Variants in STAU2 observed in about 807,000 individuals in gnomAD.
The protein encoded by STAU2 is staufen double-stranded RNA binding protein 2, also known as double-stranded RNA-binding protein Staufen homolog 2.
STAU2 carries 20 observed loss-of-function variants against 65.9 expected under a neutral mutation model. The ratio of observed to expected loss-of-function variants is 0.30; its 90% confidence interval spans 0.21 to 0.44. The LOEUF is 0.44. Among genes scored for constraint, STAU2 ranks in the 20% least tolerant of loss-of-function variants. STAU2 has a pLI of 1.00. For synonymous variants in STAU2, 232 were observed against 233.9 expected, an observed-to-expected ratio of 0.99 and a Z score of 0.07; for missense variants, 558 against 683.9, an observed-to-expected ratio of 0.82 and a Z score of 2.05.
intron 13 of STAU2, among the ~76,000 whole-genome samples, chr8:73,538,937 G>T (rs1806352166): frequency 6.6e-6 from 1 of 152,046 alleles, no homozygotes. Context: ...TCACTTCAAT[G>T]AAAAAAGTTT....
At position 73,543,152 on chromosome 8, in the gene STAU2, A is replaced by C. The variant is rs1175858897; in HGVS notation, c.1530+8860T>G. 2.0e-5 allele frequency among the ~76,000 whole-genome samples: 3 copies of C among 152,342 alleles called. No homozygotes were observed. The East Asian group carries it at 5.8e-4, about 29-fold the overall frequency. On this transcript the variant is annotated intron_variant, in intron 13 of 14. Coordinates refer to ENST00000524300, the MANE Select transcript of STAU2 (RefSeq NM_001164380.2). ...GTGAATTTCAAAATATACTGAGTGA[A>C]AGATGCCAGATACAAAACTGTGAAT...
At position 73,688,537 on chromosome 8, in the gene STAU2, T is replaced by C. The variant is rs1049333763; in HGVS notation, c.274+117A>G. On this transcript the variant is annotated intron_variant, in intron 5 of 14. Transcript: ENST00000524300. ...GTGTGTGTGTGTGTGTGTGTAGGTATGGGCATATGTGTACTATTAATACTT... is the reference window on the plus strand; with the variant it reads ...GTGTGTGTGTGTGTGTGTGTAGGTACGGGCATATGTGTACTATTAATACTT... The C allele has an allele frequency of 5.7e-6, 5 of 871,746 alleles. No homozygotes were observed. The African/African-American group carries it at 8.4e-5, about 15-fold the overall frequency. The allele number at this position is 871,746 out of a possible 1,614,324, so 54.0% of individuals were successfully genotyped here. A position where few individuals can be genotyped will look rare whatever the true frequency, so the allele number is the denominator to read the frequency against.
At chr8:73,506,738 A>G (rs1379722877) in intron 13 of STAU2, among the ~76,000 whole-genome samples, 2 of 152,160 alleles carry the variant, frequency 1.3e-5, no homozygotes, top group Non-Finnish European at 2.9e-5. Context: ...TCTCTGTAGT[A>G]TGCAATGCTG....
chr8:73,711,662 C>T (rs1211872446), intron 3 of STAU2, among the ~76,000 whole-genome samples: 2 of 151,894 alleles, frequency 1.3e-5, no homozygotes, highest in Non-Finnish European at 2.9e-5. Context: ...ATAATGAACC[C>T]GTTTGGTATG....
At chr8:73,470,354 T>C (rs1819920942) in intron 13 of STAU2, among the ~76,000 whole-genome samples, 1 of 152,080 alleles carries the variant, frequency 6.6e-6, no homozygotes, top group Non-Finnish European at 1.5e-5. Flanking sequence ...AGAAGAGAAT[T>C]AGGAAAAGCT....
chr8:73,631,269 G>T (rs1233370879), intron 6 of STAU2, among the ~76,000 whole-genome samples: 1 of 151,916 alleles, frequency 6.6e-6, no homozygotes, highest in Non-Finnish European at 1.5e-5. Flanking sequence ...CAGGAGCATT[G>T]CTTGAGCCCA....
chr8:73,575,825 A>AAAAC (rs10622776), intron 12 of STAU2, among the ~76,000 whole-genome samples: 139,426 of 151,966 alleles, frequency 0.92, 64,029 homozygotes, highest in East Asian at 0.99. Flanking sequence ...CACACACAAA[A>AAAAC]AACCACAAGT....
At chr8:73,638,878 AAT>A (rs1470297478) in intron 6 of STAU2, among the ~76,000 whole-genome samples, 2 of 152,004 alleles carry the variant, frequency 1.3e-5, no homozygotes, top group Admixed American at 6.5e-5. Flanking sequence ...GATTTAAAAA[AAT>A]GTGTTTTTTA....
chr8:73,486,592 T>G, intron 13 of STAU2, among the ~76,000 whole-genome samples: 1 of 148,526 alleles, frequency 6.7e-6, no homozygotes, highest in East Asian at 2.0e-4. Context: ...TCCTTTCTCT[T>G]TTTCCTGAAA....
intron 3 of STAU2, among the ~76,000 whole-genome samples, chr8:73,729,001 A>G (rs950270409): frequency 4.6e-5 from 7 of 152,210 alleles, no homozygotes; most frequent in African/African-American, 1.7e-4. Flanking sequence ...GTTCCTGATC[A>G]TAAGGGCAAG....
intron 13 of STAU2, among the ~76,000 whole-genome samples, chr8:73,433,475 A>T (rs1183724127): frequency 1.4e-5 from 2 of 143,828 alleles, no homozygotes; most frequent in African/African-American, 5.3e-5. Flanking sequence ...AAGCGCTGGG[A>T]TTAAAGGTGT....
intron 3 of STAU2, among the ~76,000 whole-genome samples, chr8:73,727,027 C>T (rs1293195291): frequency 6.6e-6 from 1 of 152,022 alleles, no homozygotes. Flanking sequence ...GTCAGGAGTT[C>T]AAGACCAGCC....
chr8:73,578,932 G>T (rs1334707665), intron 12 of STAU2, among the ~76,000 whole-genome samples: 1 of 151,940 alleles, frequency 6.6e-6, no homozygotes, highest in Non-Finnish European at 1.5e-5. Flanking sequence ...ATATTAATCT[G>T]TCACCTTAAA....
intron 7 of STAU2, among the ~76,000 whole-genome samples, chr8:73,616,588 A>G (rs111644885): frequency 0.02 from 3,071 of 152,166 alleles, 97 homozygotes; most frequent in African/African-American, 0.067. Context: ...CACGAGGTCA[A>G]GAGATCGAGA....
At chr8:73,635,206 T>G (rs1814399599) in intron 6 of STAU2, among the ~76,000 whole-genome samples, 1 of 152,194 alleles carries the variant, frequency 6.6e-6, no homozygotes, top group Middle Eastern at 3.2e-3. Flanking sequence ...ATTTCCAGTA[T>G]GGCCAAGTAA....
At chr8:73,631,292 T>A (rs1445232749) in intron 6 of STAU2, among the ~76,000 whole-genome samples, 3 of 150,940 alleles carry the variant, frequency 2.0e-5, no homozygotes, top group African/African-American at 7.3e-5. Context: ...AATTCAAGGG[T>A]ACAGTGAGCT....
chr8:73,623,135 T>A (rs1813385629), intron 6 of STAU2, among the ~76,000 whole-genome samples: 1 of 152,178 alleles, frequency 6.6e-6, no homozygotes, highest in Non-Finnish European at 1.5e-5. Flanking sequence ...AAGGAAAGAT[T>A]TTACATTCAC....
At chr8:73,613,614 G>A (rs1348891468) in intron 9 of STAU2, 130 bp downstream of exon 9, 2 of 614,684 alleles carry the variant, frequency 3.3e-6, no homozygotes, top group Non-Finnish European at 5.3e-6. Context: ...ATAGTCACAT[G>A]TCCTGCCCTC....
chr8:73,656,503 A>G (rs1262112613), intron 6 of STAU2, among the ~76,000 whole-genome samples: 1 of 152,260 alleles, frequency 6.6e-6, no homozygotes, highest in East Asian at 1.9e-4. Flanking sequence ...ATTCCAAAAC[A>G]GTATTACTAT....
Sources: allele counts gnomAD v4.1 joint callset (sites outside exome capture counted in the v4.1 genomes callset), GRCh38; gene constraint gnomAD v4.1.1; transcripts MANE v1.5; gene names NCBI Gene and HGNC (gene_info 2026-07-23, HGNC 2026-07-21).